The following NR5A2 variants were observed in gnomAD, a reference collection of about 807,000 sequenced individuals.
NR5A2 encodes the protein CYP7A promoter-binding factor.
NR5A2 carries 26 observed loss-of-function variants against 62.7 expected under a neutral mutation model. The observed-to-expected ratio is 0.41, with a 90% CI of 0.30 to 0.58. The LOEUF is 0.58. Ranked by LOEUF, NR5A2 falls within the 20% of genes least tolerant of loss-of-function variation. The pLI is 0.22. For synonymous variants in NR5A2, 246 were observed against 241.7 expected, an observed-to-expected ratio of 1.02 and a Z score of -0.16; for missense variants, 541 against 669.1, an observed-to-expected ratio of 0.81 and a Z score of 2.11.
chr1:200,137,744 TATAGAC>T (rs1425807797), intron 7 of NR5A2, among the ~76,000 whole-genome samples: 1 of 152,194 alleles, frequency 6.6e-6, no homozygotes, highest in Non-Finnish European at 1.5e-5. Flanking sequence ...ATGTTTCTGA[TATAGAC>T]AGGATAGAGT....
At chr1:200,116,107 G>A (rs973044303) in intron 6 of NR5A2, among the ~76,000 whole-genome samples, 4 of 152,066 alleles carry the variant, frequency 2.6e-5, no homozygotes, top group Non-Finnish European at 4.4e-5. Context: ...TTGGCAAATA[G>A]GAATATTAAA....
At chr1:200,051,294 C>T (rs886995731) in intron 5 of NR5A2, among the ~76,000 whole-genome samples, 6 of 151,778 alleles carry the variant, frequency 4.0e-5, no homozygotes, top group African/African-American at 1.4e-4. Flanking sequence ...AAAAAGGAAA[C>T]ATGAAGTAAA....
rs551163055 is a variant in NR5A2, at chr1:200,134,274, G to C, written c.1378+13319G>C. ...CTGCAGTAGTCTACAGGAATGTCCTGTACCTTCCCACTCACTCACCACTCA... is the reference window on the plus strand; with the variant it reads ...CTGCAGTAGTCTACAGGAATGTCCTCTACCTTCCCACTCACTCACCACTCA... On this transcript the variant is annotated intron_variant, in intron 7 of 7. Coordinates refer to ENST00000367362, the MANE Select transcript of NR5A2 (RefSeq NM_205860.3). 1.2e-3 allele frequency among the ~76,000 whole-genome samples: 190 copies of C among 152,278 alleles called. 1 individual carries two copies. Among genetic ancestry groups the C allele is most frequent in the Non-Finnish European group, 2.4e-3 (163 of 68,018 alleles).
intron 5 of NR5A2, among the ~76,000 whole-genome samples, chr1:200,107,138 T>C (rs1665716028): frequency 6.6e-6 from 1 of 151,586 alleles, no homozygotes; most frequent in Non-Finnish European, 1.5e-5. Flanking sequence ...TGCAAGTTGC[T>C]GAGGTAGTCA....
intron 1 of NR5A2, among the ~76,000 whole-genome samples, chr1:200,033,814 T>A (rs569285165): frequency 2.8e-4 from 42 of 152,196 alleles, no homozygotes; most frequent in Non-Finnish European, 5.1e-4. Context: ...CCACGCCCCA[T>A]GCTTGAGTGT....
intron 7 of NR5A2, among the ~76,000 whole-genome samples, chr1:200,125,134 C>T (rs537733529): frequency 1.3e-5 from 2 of 152,260 alleles, no homozygotes; most frequent in South Asian, 4.1e-4. Flanking sequence ...GATGTTTATT[C>T]ATAAGCTCTT....
chr1:200,103,267 G>C (rs1302583174), intron 5 of NR5A2, among the ~76,000 whole-genome samples: 2 of 151,928 alleles, frequency 1.3e-5, no homozygotes, highest in East Asian at 3.9e-4. Context: ...GGGATTACAG[G>C]CACATGCCAC....
rs534994408 is a variant in NR5A2, at chr1:200,128,658, C to T, written c.1378+7703C>T. Among the ~76,000 whole-genome samples the T allele has an allele frequency of 7.9e-5, 12 of 152,232 alleles. No individual in the cohort carries two copies. In the South Asian group the frequency reaches 2.5e-3, roughly 32 times the overall value. Reference sequence around the variant, plus strand: ...AATCCTAAAGTAGCCAATTGCATCTCTAAGATTTAGGTGGACGAGCTCCCT... The same window carrying T: ...AATCCTAAAGTAGCCAATTGCATCTTTAAGATTTAGGTGGACGAGCTCCCT... On this transcript the variant is annotated intron_variant, in intron 7 of 7. Transcript: ENST00000367362.
intron 5 of NR5A2, among the ~76,000 whole-genome samples, chr1:200,061,766 G>T (rs1448353590): frequency 1.3e-5 from 2 of 152,124 alleles, no homozygotes; most frequent in African/African-American, 4.8e-5. Flanking sequence ...ATTTTTGGGA[G>T]CACAGATGTA....
At chr1:200,061,039 G>A (rs903655722) in intron 5 of NR5A2, among the ~76,000 whole-genome samples, 7 of 145,334 alleles carry the variant, frequency 4.8e-5, no homozygotes, top group East Asian at 2.1e-4. Flanking sequence ...ATAATTGGTC[G>A]AACCCAGGAG....
At chr1:200,102,956 AC>A (rs1665454269) in intron 5 of NR5A2, among the ~76,000 whole-genome samples, 2 of 152,164 alleles carry the variant, frequency 1.3e-5, no homozygotes, top group African/African-American at 4.8e-5. Flanking sequence ...TGTTGCTAGG[AC>A]CATGAACTCT....
chr1:200,162,617 A>G (rs1017295858), intron 7 of NR5A2, among the ~76,000 whole-genome samples: 1 of 152,220 alleles, frequency 6.6e-6, no homozygotes, highest in Non-Finnish European at 1.5e-5. Flanking sequence ...TGGAGGAATC[A>G]GTTATAAGGA....
At chr1:200,129,140 C>A (rs1221894135) in intron 7 of NR5A2, among the ~76,000 whole-genome samples, 1 of 152,130 alleles carries the variant, frequency 6.6e-6, no homozygotes, top group African/African-American at 2.4e-5. Context: ...TGGCCCCATA[C>A]CCCAGGCCCA....
chr1:200,118,947 C>T (rs3790804), intron 6 of NR5A2, among the ~76,000 whole-genome samples: 5,630 of 152,294 alleles, frequency 0.037, 124 homozygotes, highest in East Asian at 0.064. Context: ...GTTCTTACAA[C>T]ACTTGATGTT....
Position 200,175,382 on chromosome 1 carries a change from A to G in NR5A2, c.*1172A>G, listed in dbSNP as rs534307122. 1.3e-5 allele frequency: 2 copies of G among 152,742 alleles called. No homozygotes were observed. Among genetic ancestry groups the G allele is most frequent in the South Asian group, 4.1e-4 (2 of 4,834 alleles). 9.5% of individuals were successfully genotyped at this position (152,742 alleles called of 1,614,324 possible). A position where few individuals can be genotyped will look rare whatever the true frequency, so the allele number is the denominator to read the frequency against. The stretch of plus-strand genomic sequence containing the variant: ...TATTAAAGTAATTCAAATCTTCCCC[A>G]AAGGGGAAAGGAAGAGAGTGATACT... On this transcript the variant is annotated 3_prime_UTR_variant, in exon 8 of 8. Transcript: ENST00000367362.
In NR5A2 at chr1:200,045,505, C is replaced by T; in HGVS notation, c.384C>T (p.Cys128=). The T allele has an allele frequency of 6.2e-7, 1 of 1,613,022 alleles. No homozygotes were observed. The highest frequency in any genetic ancestry group is 8.5e-7 in the Non-Finnish European group (1 of 1,179,300). ...ACACATGTATAGAAAACCAGAACTGCCAAATTGACAAAACACAGAGAAAGC... is the reference window on the plus strand; with the variant it reads ...ACACATGTATAGAAAACCAGAACTGTCAAATTGACAAAACACAGAGAAAGC... ...KRYTCIENQN[C]QIDKTQRKRC... The change falls in exon 4 of 8, where the codon TGC becomes TGT. Residue 128 remains cysteine (C), a synonymous_variant. Transcript: ENST00000367362.
intron 6 of NR5A2, among the ~76,000 whole-genome samples, chr1:200,117,507 C>A (rs1325855635): frequency 6.6e-6 from 1 of 152,126 alleles, no homozygotes; most frequent in Non-Finnish European, 1.5e-5. Flanking sequence ...AATATATAAT[C>A]CTATGAAACA....
intron 6 of NR5A2, among the ~76,000 whole-genome samples, chr1:200,115,626 A>G (rs755716474): frequency 6.6e-6 from 1 of 152,164 alleles, no homozygotes; most frequent in Admixed American, 6.5e-5. Context: ...TCTGCAGCCA[A>G]TAGTGATAAG....
chr1:200,145,587 A>AT (rs1667665486), intron 7 of NR5A2, among the ~76,000 whole-genome samples: 1 of 152,032 alleles, frequency 6.6e-6, no homozygotes, highest in South Asian at 2.1e-4. Flanking sequence ...TTTCTAAAAA[A>AT]TTAGAAGGTC....
Sources: allele counts gnomAD v4.1 joint callset (sites outside exome capture counted in the v4.1 genomes callset), GRCh38; gene constraint gnomAD v4.1.1; transcripts MANE v1.5; gene names NCBI Gene and HGNC (gene_info 2026-07-23, HGNC 2026-07-21).